SETDB2: variants seen among roughly 807,000 people sequenced by gnomAD.
SETDB2 encodes the protein histone-lysine N-methyltransferase SETDB2.
SETDB2 carries 56 observed loss-of-function variants against 82.5 expected under a neutral mutation model. The observed-to-expected ratio is 0.68, with a 90% CI of 0.55 to 0.85. The LOEUF is 0.85. Ranked by LOEUF, SETDB2 falls within the 40% of genes least tolerant of loss-of-function variation. The pLI, the probability that SETDB2 is intolerant of heterozygous loss-of-function variation, is 0.00. For synonymous variants in SETDB2, 272 were observed against 284.9 expected (o/e 0.95, Z 0.46); for missense variants, 677 against 816.4 (o/e 0.83, Z 2.08).
At chr13:49,490,767 C>G in intron 12 of SETDB2, 55 bp from the exon 13 acceptor site, 2 of 1,289,730 alleles carry the variant, frequency 1.6e-6, no homozygotes, top group Non-Finnish European at 2.2e-6. Flanking sequence ...TGCAAAAGCA[C>G]AAGGCATCAG....
chr13:49,466,251 G>GT (rs1013242781), intron 4 of SETDB2, among the ~76,000 whole-genome samples: 5 of 152,082 alleles, frequency 3.3e-5, no homozygotes, highest in African/African-American at 1.2e-4. Context: ...CAGGCTTGAG[G>GT]TAGAGATTCT....
Position 49,490,869 on chromosome 13 carries a change from A to G in SETDB2, c.1965A>G (p.Thr655=). 1.2e-6 allele frequency: 2 copies of G among 1,613,694 alleles called. No individual in the cohort carries two copies. Among genetic ancestry groups the G allele is most frequent in the East Asian group, 2.2e-5 (1 of 44,866 alleles). The change falls in exon 13 of 14, where the codon ACA becomes ACG. Residue 655 remains threonine (T), a synonymous_variant. Coordinates refer to ENST00000611815, the MANE Select transcript of SETDB2 (RefSeq NM_001160308.3). ...NLLVQNVFVE[T]HNRNFPLVAF... ...TGGTACAGAATGTTTTTGTAGAAAC[A>G]CACAACAGGAATTTTCCATTGGTGG...
chr13:49,473,551 C>CAAAA (rs769808278), intron 5 of SETDB2, among the ~76,000 whole-genome samples: 132 of 61,482 alleles, frequency 2.1e-3, no homozygotes, highest in Non-Finnish European at 1.9e-3. Context: ...ACCCTGTCTC[C>CAAAA]AAAAAAAAAA....
intron 2 of SETDB2, among the ~76,000 whole-genome samples, chr13:49,452,817 G>C (rs981225301): frequency 6.6e-6 from 1 of 152,096 alleles, no homozygotes; most frequent in Non-Finnish European, 1.5e-5. Context: ...TGGAGCGATG[G>C]GTTTTGGGGA....
intron 5 of SETDB2, among the ~76,000 whole-genome samples, chr13:49,473,446 G>A (rs914155193): frequency 4.0e-5 from 6 of 151,410 alleles, no homozygotes; most frequent in African/African-American, 1.5e-4. Context: ...AGCTACTCGA[G>A]AGGCTGAGGT....
intron 1 of SETDB2, among the ~76,000 whole-genome samples, chr13:49,451,006 C>T (rs560467194): frequency 8.0e-5 from 12 of 150,290 alleles, no homozygotes; most frequent in South Asian, 2.1e-4. Context: ...ATAATGTATG[C>T]GTTATTGACC....
At chr13:49,447,607 A>G (rs530939188) in intron 1 of SETDB2, among the ~76,000 whole-genome samples, 2 of 152,154 alleles carry the variant, frequency 1.3e-5, no homozygotes, top group Non-Finnish European at 2.9e-5. Context: ...ATAATTTTAT[A>G]TTGAATTGTT....
At chr13:49,459,798 A>G (rs1490157963) in intron 2 of SETDB2, 1 of 185,140 alleles carries the variant, frequency 5.4e-6, no homozygotes, top group Non-Finnish European at 1.1e-5. Flanking sequence ...AAGTGCATGT[A>G]TAATCTATAC....
At chr13:49,445,286 T>TA (rs1189317512) in intron 1 of SETDB2, among the ~76,000 whole-genome samples, 1 of 152,162 alleles carries the variant, frequency 6.6e-6, no homozygotes. Flanking sequence ...AAGCGTGACT[T>TA]AACCCGTGGT....
At chr13:49,449,451 A>G (rs190907697) in intron 1 of SETDB2, among the ~76,000 whole-genome samples, 10 of 152,214 alleles carry the variant, frequency 6.6e-5, no homozygotes, top group Admixed American at 6.5e-4. Context: ...GGATTTCGCC[A>G]TGTTGGCCAG....
chr13:49,480,453 A>G, intron 7 of SETDB2, 118 bp downstream of exon 7: 1 of 631,886 alleles, frequency 1.6e-6, no homozygotes, highest in East Asian at 2.8e-5. Flanking sequence ...TAATACCAAA[A>G]ATCTAAATTA....
Position 49,491,770 on chromosome 13 carries a change from G to A in SETDB2, c.2045G>A (p.Gly682Asp). 6.2e-7 allele frequency: 1 copy of A among 1,612,914 alleles called. No individual in the cohort carries two copies. Among genetic ancestry groups the A allele is most frequent in the East Asian group, 2.2e-5 (1 of 44,852 alleles). The change falls in exon 14 of 14, where the codon GGC (glycine) becomes GAC (aspartate). Residue 682 changes from glycine (G) to aspartate (D), a missense_variant. Physicochemically the swap from Gly to Asp is moderately conservative, Grantham distance 94 (BLOSUM62 -1). This residue lies in a region of SETDB2 where 420 missense variants were observed against 554.6 expected (regional missense o/e 0.76). Transcript: ENST00000611815. ...KARTELTWDYGYEAGTVPEKE... is the reference protein window; with the variant it reads ...KARTELTWDYDYEAGTVPEKE... ...AGAACAGAGCTAACATGGGATTATG[G>A]CTATGAAGCTGGGACTGTGCCTGAG...
intron 12 of SETDB2, 126 bp downstream of exon 12, chr13:49,488,756 T>C: frequency 4.3e-6 from 3 of 703,490 alleles, no homozygotes; most frequent in Non-Finnish European, 6.9e-6. Flanking sequence ...AGTCCTCCAC[T>C]TGTATACAGT....
Position 49,451,777 on chromosome 13 carries a change from G to T in SETDB2, c.-117G>T, listed in dbSNP as rs905429122. On this transcript the variant is annotated 5_prime_UTR_variant, in exon 2 of 14. Coordinates refer to ENST00000611815, the MANE Select transcript of SETDB2 (RefSeq NM_001160308.3). Reference sequence around the variant, plus strand: ...TTAGAATGGTATAATGATGTATTTTGTCTGAGGACTGCAAATTTTATAGAG... The same window carrying T: ...TTAGAATGGTATAATGATGTATTTTTTCTGAGGACTGCAAATTTTATAGAG... 17 of 663,982 alleles carry T rather than the reference G, an allele frequency of 2.6e-5. No individual in the cohort carries two copies. The highest frequency in any genetic ancestry group is 1.3e-4 in the South Asian group (6 of 45,642). 41.1% of individuals were successfully genotyped at this position (663,982 alleles called of 1,614,324 possible).
intron 2 of SETDB2, among the ~76,000 whole-genome samples, chr13:49,454,267 A>G (rs1014120982): frequency 2.0e-5 from 3 of 152,074 alleles, no homozygotes; most frequent in Non-Finnish European, 2.9e-5. Context: ...TAGTAATACA[A>G]AGTGGCACAC....
At chr13:49,467,232 T>TA (rs770925891) in intron 4 of SETDB2, among the ~76,000 whole-genome samples, 3 of 152,100 alleles carry the variant, frequency 2.0e-5, no homozygotes, top group Non-Finnish European at 4.4e-5. Flanking sequence ...CTGTCTCTAC[T>TA]AAAACTACAA....
At chr13:49,483,669 C>T in intron 10 of SETDB2, 106 bp downstream of exon 10, 1 of 440,992 alleles carries the variant, frequency 2.3e-6, no homozygotes, top group Non-Finnish European at 3.8e-6. Flanking sequence ...CACTCTGTCA[C>T]CCAGGCTGGA....
At position 49,490,851 on chromosome 13, in the gene SETDB2, G is replaced by A. The variant is rs755715230; in HGVS notation, c.1947G>A (p.Gln649=). The stretch of plus-strand genomic sequence containing the variant: ...GTTGTTGCCCAAATCTCTTGGTACA[G>A]AATGTTTTTGTAGAAACACACAACA... ...NHSCCPNLLV[Q]NVFVETHNRN... The change falls in exon 13 of 14, where the codon CAG becomes CAA. Residue 649 remains glutamine (Q), a synonymous_variant. Transcript: ENST00000611815. 5.6e-6 allele frequency: 9 copies of A among 1,613,288 alleles called. No individual in the cohort carries two copies. In the African/African-American group the frequency reaches 1.1e-4, roughly 19 times the overall value.
chr13:49,467,224 G>A (rs142517315), intron 4 of SETDB2, among the ~76,000 whole-genome samples: 5 of 152,080 alleles, frequency 3.3e-5, no homozygotes, highest in Admixed American at 6.5e-5. Context: ...ATAAAATCCT[G>A]TCTCTACTAA....
Sources: gnomAD v4.1 joint callset for allele counts (sites outside exome capture counted in the v4.1 genomes callset) on GRCh38, gnomAD v4.1.1 for gene constraint, gnomAD v4.1.1 regional missense constraint, MANE v1.5 for transcripts, NCBI Gene and HGNC (gene_info 2026-07-23, HGNC 2026-07-21) for gene names.